The following ZNF385D variants were observed in gnomAD, a reference collection of about 807,000 sequenced individuals.
The protein encoded by ZNF385D is zinc finger protein 659.
ZNF385D carries 15 observed loss-of-function variants against 35.8 expected under a neutral mutation model. The ratio of observed to expected loss-of-function variants is 0.42; its 90% CI spans 0.28 to 0.64. The LOEUF is 0.64. Among genes scored for constraint, ZNF385D ranks in the 30% least tolerant of loss-of-function variants. ZNF385D has a pLI of 0.23. For synonymous variants in ZNF385D, 212 were observed against 186.8 expected (o/e 1.13, Z -1.10); for missense variants, 474 against 494.6 (o/e 0.96, Z 0.39).
At position 21,418,015 on chromosome 3, in the gene ZNF385D, A is replaced by C. The variant is rs1210589170; in HGVS notation, c.*3199T>G. On this transcript the variant is annotated 3_prime_UTR_variant, in exon 8 of 8. Coordinates refer to ENST00000281523, the MANE Select transcript of ZNF385D (RefSeq NM_024697.3). ...GGTCCAGTGAGAGGAGCAATTTATC[A>C]TGTGTAATTGCCTGTTTTCTCATAA... 1 of 152,178 alleles carries C rather than the reference A, an allele frequency of 6.6e-6. No homozygotes were observed. The highest frequency in any genetic ancestry group is 1.5e-5 in the Non-Finnish European group (1 of 68,012). 9.4% of individuals were successfully genotyped at this position (152,178 alleles called of 1,614,324 possible). A position where few individuals can be genotyped will look rare whatever the true frequency, so the allele number is the denominator to read the frequency against.
chr3:22,136,892 G>A (rs1241331544), intron 3 of ZNF385D, among the ~76,000 whole-genome samples: 2 of 152,130 alleles, frequency 1.3e-5, no homozygotes, highest in African/African-American at 4.8e-5. Context: ...GCAAAACTAT[G>A]AAATCGGTAA....
chr3:21,732,889 T>C (rs1254131354), intron 1 of ZNF385D, among the ~76,000 whole-genome samples: 1 of 152,198 alleles, frequency 6.6e-6, no homozygotes, highest in East Asian at 1.9e-4. Flanking sequence ...ATGTTTAAAA[T>C]TTTGATGAAG....
In ZNF385D at chr3:21,415,422, C is replaced by A. The variant is rs1700549628; in HGVS notation, c.*5792G>T. Reference sequence around the variant, plus strand: ...TCTTAACATTATATCTACTTCCCAGCCCCTCCAATGCCCTAAAATGATTAA... The same window carrying A: ...TCTTAACATTATATCTACTTCCCAGACCCTCCAATGCCCTAAAATGATTAA... On this transcript the variant is annotated 3_prime_UTR_variant, in exon 8 of 8. Transcript: ENST00000281523. 1 of 152,054 alleles carries A rather than the reference C, an allele frequency of 6.6e-6. No homozygotes were observed. The highest frequency in any genetic ancestry group is 2.1e-4 in the South Asian group (1 of 4,816). The allele number at this position is 152,054 out of a possible 1,614,324, so 9.4% of individuals were successfully genotyped here.
intron 3 of ZNF385D, among the ~76,000 whole-genome samples, chr3:21,809,327 TA>T (rs2072799996): frequency 6.6e-6 from 1 of 151,936 alleles, no homozygotes; most frequent in African/African-American, 2.4e-5. Flanking sequence ...TAGGTAAATA[TA>T]AAAGACTATT....
At chr3:21,780,813 C>A (rs1029799024) in intron 3 of ZNF385D, among the ~76,000 whole-genome samples, 2 of 151,894 alleles carry the variant, frequency 1.3e-5, no homozygotes, top group Admixed American at 6.6e-5. Flanking sequence ...TGTTCAGATA[C>A]CAGCAACAAC....
chr3:21,992,025 A>C (rs1323221521), intron 3 of ZNF385D, among the ~76,000 whole-genome samples: 1 of 152,192 alleles, frequency 6.6e-6, no homozygotes, highest in East Asian at 1.9e-4. Context: ...TAGCATGCTC[A>C]TCTCTGGAAT....
chr3:22,329,126 T>C (rs1023751190), intron 2 of ZNF385D, among the ~76,000 whole-genome samples: 1 of 151,408 alleles, frequency 6.6e-6, no homozygotes, highest in African/African-American at 2.4e-5. Context: ...CATATCACTT[T>C]CTAGGCTCAC....
At chr3:21,648,634 A>G (rs914339193) in intron 2 of ZNF385D, among the ~76,000 whole-genome samples, 4 of 152,198 alleles carry the variant, frequency 2.6e-5, no homozygotes, top group Admixed American at 6.5e-5. Context: ...GTATGATTCT[A>G]TAAGAATCTC....
At chr3:21,768,411 A>G (rs2070924248) in intron 3 of ZNF385D, among the ~76,000 whole-genome samples, 1 of 152,048 alleles carries the variant, frequency 6.6e-6, no homozygotes, top group Non-Finnish European at 1.5e-5. Context: ...TTCCCCACCT[A>G]GACAACAATC....
intron 3 of ZNF385D, among the ~76,000 whole-genome samples, chr3:21,976,414 T>C (rs1703627117): frequency 1.3e-5 from 2 of 152,136 alleles, no homozygotes; most frequent in Non-Finnish European, 2.9e-5. Flanking sequence ...GATGATCACA[T>C]GGAGAATTTT....
chr3:21,424,610 G>C (rs1700923457), intron 6 of ZNF385D, among the ~76,000 whole-genome samples: 1 of 149,206 alleles, frequency 6.7e-6, no homozygotes, highest in South Asian at 2.1e-4. Context: ...ACTGCGCCCA[G>C]CCTATTTTAG....
intron 4 of ZNF385D, among the ~76,000 whole-genome samples, chr3:21,494,144 C>G (rs1205187632): frequency 6.6e-6 from 1 of 152,152 alleles, no homozygotes; most frequent in Non-Finnish European, 1.5e-5. Flanking sequence ...AAAGATGTTA[C>G]TTTCCAATTA....
At chr3:21,842,604 C>T (rs1260404169) in intron 3 of ZNF385D, among the ~76,000 whole-genome samples, 1 of 151,950 alleles carries the variant, frequency 6.6e-6, no homozygotes, top group Non-Finnish European at 1.5e-5. Flanking sequence ...TGTTTACATA[C>T]TGGTCTGAGG....
intron 1 of ZNF385D, among the ~76,000 whole-genome samples, chr3:21,728,223 G>T (rs770821756): frequency 1.3e-5 from 2 of 151,332 alleles, no homozygotes; most frequent in African/African-American, 4.9e-5. Context: ...ACCATGTCAC[G>T]TGTATACCTA....
intron 1 of ZNF385D, among the ~76,000 whole-genome samples, chr3:21,739,024 C>G (rs2069380337): frequency 6.6e-6 from 1 of 152,210 alleles, no homozygotes; most frequent in East Asian, 1.9e-4. Flanking sequence ...TGCTTCCCAA[C>G]TAATCATCAC....
intron 3 of ZNF385D, among the ~76,000 whole-genome samples, chr3:21,757,541 C>T (rs1357657342): frequency 6.6e-6 from 1 of 152,070 alleles, no homozygotes; most frequent in Non-Finnish European, 1.5e-5. Flanking sequence ...GAAATCTTAA[C>T]CTTGGAGGTG....
At chr3:22,082,198 G>C (rs1342661739) in intron 3 of ZNF385D, among the ~76,000 whole-genome samples, 2 of 152,016 alleles carry the variant, frequency 1.3e-5, no homozygotes, top group African/African-American at 4.8e-5. Context: ...CACTGGGACA[G>C]GTTGGACAGT....
At chr3:21,565,997 C>G (rs1043331711) in intron 2 of ZNF385D, among the ~76,000 whole-genome samples, 1 of 152,190 alleles carries the variant, frequency 6.6e-6, no homozygotes, top group African/African-American at 2.4e-5. Context: ...TTCACAGGCT[C>G]TCTTCACTGG....
intron 2 of ZNF385D, among the ~76,000 whole-genome samples, chr3:22,220,041 A>C (rs1466795399): frequency 6.7e-6 from 1 of 149,696 alleles, no homozygotes; most frequent in Non-Finnish European, 1.5e-5. Flanking sequence ...AGTTATGATT[A>C]CTTCTATTTT....
Sources: gnomAD v4.1 joint callset for allele counts (sites outside exome capture counted in the v4.1 genomes callset) on GRCh38, gnomAD v4.1.1 for gene constraint, MANE v1.5 for transcripts, NCBI Gene and HGNC (gene_info 2026-07-23, HGNC 2026-07-21) for gene names.